Variants in WASF3 observed in about 807,000 individuals in gnomAD.
WASF3 encodes WASP family member 3.
In WASF3, 11 loss-of-function variants were observed where a neutral mutation model predicts 46.6. That is an observed-to-expected ratio of 0.24 (90% confidence interval 0.15 to 0.39). The LOEUF is 0.39. WASF3 is among the 10% of genes least tolerant of loss of function. The probability of loss-of-function intolerance (pLI) is 1.00; values close to 1 mark genes in which losing one functional copy is unlikely to be tolerated. For missense variants in WASF3, 576 were observed against 669.8 expected, an observed-to-expected ratio of 0.86 and a Z score of 1.55; for synonymous variants, 242 against 259.7, an observed-to-expected ratio of 0.93 and a Z score of 0.65.
intron 1 of WASF3, 26 bp from the exon 2 acceptor site, chr13:26,612,935 A>G (rs929063872): frequency 6.6e-6 from 1 of 152,110 alleles, no homozygotes; most frequent in Non-Finnish European, 1.5e-5. Context: ...CCTACTGGTA[A>G]TTAATTTTTT....
intron 3 of WASF3, among the ~76,000 whole-genome samples, chr13:26,656,230 A>G (rs968171054): frequency 1.3e-5 from 2 of 152,208 alleles, no homozygotes; most frequent in African/African-American, 4.8e-5. Flanking sequence ...GATTTTCTTT[A>G]TACTTTGTTT....
intron 2 of WASF3, chr13:26,626,255 T>A (rs1177483079): frequency 6.6e-6 from 1 of 152,314 alleles, no homozygotes; most frequent in East Asian, 1.9e-4. Context: ...TTAGGAGAAT[T>A]CTGGCTGACG....
At chr13:26,590,387 T>A (rs981977574) in intron 1 of WASF3, among the ~76,000 whole-genome samples, 1 of 152,248 alleles carries the variant, frequency 6.6e-6, no homozygotes, top group African/African-American at 2.4e-5. Flanking sequence ...GACCTTTTTT[T>A]ATTTGAGAAA....
At chr13:26,600,721 C>G (rs137908961) in intron 1 of WASF3, among the ~76,000 whole-genome samples, 2 of 152,304 alleles carry the variant, frequency 1.3e-5, no homozygotes, top group East Asian at 3.9e-4. Flanking sequence ...TGACTTTAAT[C>G]TTGTGTTGGA....
At chr13:26,582,322 A>G (rs1020451439) in intron 1 of WASF3, among the ~76,000 whole-genome samples, 6 of 152,006 alleles carry the variant, frequency 3.9e-5, no homozygotes, top group African/African-American at 1.2e-4. Context: ...TCTGTTGTTT[A>G]TTAGCTGTGT....
chr13:26,569,977 G>A (rs1879584919), intron 1 of WASF3, among the ~76,000 whole-genome samples: 1 of 152,152 alleles, frequency 6.6e-6, no homozygotes, highest in East Asian at 1.9e-4. Flanking sequence ...ATGTGGTTTT[G>A]TTATTCATTT....
chr13:26,617,870 A>C (rs986767117), intron 2 of WASF3, among the ~76,000 whole-genome samples: 5 of 152,016 alleles, frequency 3.3e-5, no homozygotes, highest in African/African-American at 9.7e-5. Context: ...GTGAATTCTC[A>C]TGAGATCTGA....
intron 1 of WASF3, among the ~76,000 whole-genome samples, chr13:26,587,049 G>C (rs1174947997): frequency 7.3e-6 from 1 of 137,410 alleles, no homozygotes; most frequent in Non-Finnish European, 1.5e-5. Context: ...GTTGCAGTGA[G>C]CCAGGATTGT....
At chr13:26,565,726 C>T (rs974323006) in intron 1 of WASF3, among the ~76,000 whole-genome samples, 1 of 152,074 alleles carries the variant, frequency 6.6e-6, no homozygotes, top group African/African-American at 2.4e-5. Context: ...TTGAGATATC[C>T]CAGGGAGGAA....
intron 7 of WASF3, among the ~76,000 whole-genome samples, chr13:26,680,569 A>G (rs886239467): frequency 6.6e-6 from 1 of 152,222 alleles, no homozygotes; most frequent in Non-Finnish European, 1.5e-5. Flanking sequence ...CTGTTTAAGA[A>G]AAATATGATT....
At chr13:26,594,939 GTCTT>G (rs1236104886) in intron 1 of WASF3, among the ~76,000 whole-genome samples, 1 of 152,204 alleles carries the variant, frequency 6.6e-6, no homozygotes, top group East Asian at 1.9e-4. Flanking sequence ...GCTCTGGGAA[GTCTT>G]TCTTTACCTA....
chr13:26,570,967 G>A (rs768173807), intron 1 of WASF3, among the ~76,000 whole-genome samples: 5 of 152,152 alleles, frequency 3.3e-5, no homozygotes, highest in Non-Finnish European at 5.9e-5. Flanking sequence ...AGAGGATATT[G>A]TGAAGCTTTC....
At chr13:26,620,829 G>T (rs1481693389) in intron 2 of WASF3, 1 of 152,132 alleles carries the variant, frequency 6.6e-6, no homozygotes, top group Non-Finnish European at 1.5e-5. Context: ...CCATTTTGTG[G>T]CCCTTGAAAG....
chr13:26,656,950 T>C (rs1331011), intron 3 of WASF3, among the ~76,000 whole-genome samples: 100,863 of 152,018 alleles, frequency 0.66, 34,306 homozygotes, highest in African/African-American at 0.81. Flanking sequence ...ACCCCAAACC[T>C]GATACTCATT....
chr13:26,545,688 C>T, the WASF3 span, among the ~76,000 whole-genome samples: 7 of 152,300 alleles, frequency 4.6e-5, no homozygotes, highest in South Asian at 1.4e-3. Context: ...TTACTGCAAC[C>T]TTGAATTCCT....
chr13:26,603,854 T>C (rs2137206967), intron 1 of WASF3, among the ~76,000 whole-genome samples: 1 of 152,158 alleles, frequency 6.6e-6, no homozygotes, highest in Non-Finnish European at 1.5e-5. Flanking sequence ...GATTCATAGG[T>C]GGCATGATAA....
chr13:26,637,014 A>T (rs146871513), intron 2 of WASF3, among the ~76,000 whole-genome samples: 83 of 152,316 alleles, frequency 5.4e-4, no homozygotes, highest in African/African-American at 1.8e-3. Flanking sequence ...CCTCTGGAGC[A>T]TGTGTGTCTT....
At chr13:26,623,831 A>G (rs1881384590) in intron 2 of WASF3, among the ~76,000 whole-genome samples, 1 of 152,180 alleles carries the variant, frequency 6.6e-6, no homozygotes, top group Non-Finnish European at 1.5e-5. Flanking sequence ...AATGTCAAGG[A>G]ACTACAGGAT....
intron 3 of WASF3, among the ~76,000 whole-genome samples, chr13:26,653,507 TA>T (rs35491025): frequency 6.6e-6 from 1 of 152,226 alleles, no homozygotes; most frequent in Non-Finnish European, 1.5e-5. Context: ...CGCATGCTGC[TA>T]AAATCCAGTG....
Sources: gnomAD v4.1 joint callset for allele counts (sites outside exome capture counted in the v4.1 genomes callset) on GRCh38, gnomAD v4.1.1 for gene constraint, MANE v1.5 for transcripts, NCBI Gene and HGNC (gene_info 2026-07-23, HGNC 2026-07-21) for gene names.